Variants in SLX4IP observed in about 807,000 individuals in gnomAD.
The protein encoded by SLX4IP is SLX4 interacting protein, also known as protein SLX4IP.
A neutral mutation model predicts 32.9 loss-of-function variants in SLX4IP; 34 were observed. The observed-to-expected ratio is 1.03, with a 90% CI of 0.79 to 1.38. The LOEUF is 1.38. SLX4IP is among the 40% of genes most tolerant of loss of function. The pLI, the probability that SLX4IP is intolerant of heterozygous loss-of-function variation, is 0.00. For synonymous variants in SLX4IP, 172 were observed against 171.7 expected (o/e 1.00, Z -0.01); for missense variants, 444 against 479.0 (o/e 0.93, Z 0.68).
At chr20:10,593,404 A>T (rs1348904484) in intron 4 of SLX4IP, among the ~76,000 whole-genome samples, 1 of 152,056 alleles carries the variant, frequency 6.6e-6, no homozygotes, top group Non-Finnish European at 1.5e-5. Context: ...AAAAGAGCAT[A>T]CAGGTTGAAA....
chr20:10,566,802 A>G (rs1456933155), intron 4 of SLX4IP, among the ~76,000 whole-genome samples: 1 of 152,192 alleles, frequency 6.6e-6, no homozygotes, highest in Non-Finnish European at 1.5e-5. Flanking sequence ...CTGCTTTGTC[A>G]GAATCGCAGT....
intron 6 of SLX4IP, among the ~76,000 whole-genome samples, chr20:10,605,724 TA>T (rs1247311976): frequency 6.6e-6 from 1 of 152,202 alleles, no homozygotes; most frequent in Non-Finnish European, 1.5e-5. Flanking sequence ...AAATAGCTGT[TA>T]AGACTCTGCA....
At chr20:10,618,126 A>G (rs939552834) in intron 6 of SLX4IP, among the ~76,000 whole-genome samples, 6 of 152,134 alleles carry the variant, frequency 3.9e-5, no homozygotes, top group African/African-American at 1.4e-4. Context: ...ATACTCAAAC[A>G]TTCATCTGTT....
chr20:10,513,345 A>G (rs188359386), intron 2 of SLX4IP, among the ~76,000 whole-genome samples: 69 of 152,326 alleles, frequency 4.5e-4, no homozygotes, highest in African/African-American at 1.6e-3. Flanking sequence ...ATTCAGGCCT[A>G]CACTGTCTGG....
At chr20:10,467,305 T>C (rs571169543) in intron 2 of SLX4IP, among the ~76,000 whole-genome samples, 3 of 152,336 alleles carry the variant, frequency 2.0e-5, no homozygotes, top group East Asian at 3.9e-4. Context: ...TCTACACATT[T>C]TAAGAAAGAA....
intron 2 of SLX4IP, among the ~76,000 whole-genome samples, chr20:10,523,264 T>C (rs1353978044): frequency 6.6e-6 from 1 of 152,152 alleles, no homozygotes; most frequent in Admixed American, 6.5e-5. Context: ...GCTTATAGCT[T>C]TCTCCTCCTG....
chr20:10,561,944 T>C (rs115300804), intron 4 of SLX4IP, among the ~76,000 whole-genome samples: 1,633 of 152,270 alleles, frequency 0.011, 32 homozygotes, highest in African/African-American at 0.037. Context: ...AGATACCTTA[T>C]CCCTGAAACA....
chr20:10,539,891 C>T (rs914847241), intron 2 of SLX4IP, among the ~76,000 whole-genome samples: 7 of 152,124 alleles, frequency 4.6e-5, no homozygotes, highest in African/African-American at 1.7e-4. Context: ...TTCTGAGGTG[C>T]TGCCAGGGTT....
chr20:10,587,595 C>A (rs1405570473), intron 4 of SLX4IP, among the ~76,000 whole-genome samples: 4 of 151,994 alleles, frequency 2.6e-5, no homozygotes, highest in African/African-American at 7.2e-5. Context: ...ACAAATTACT[C>A]AAATTAAAAC....
chr20:10,438,779 A>G (rs2065137279), intron 1 of SLX4IP, among the ~76,000 whole-genome samples: 2 of 151,518 alleles, frequency 1.3e-5, no homozygotes, highest in South Asian at 4.2e-4. Flanking sequence ...CACATTTCCT[A>G]GGTTTTTATC....
chr20:10,501,824 A>C (rs1568712164), intron 2 of SLX4IP, among the ~76,000 whole-genome samples: 1 of 152,236 alleles, frequency 6.6e-6, no homozygotes, highest in Admixed American at 6.5e-5. Flanking sequence ...TCCGAGACGC[A>C]GACAACTTTT....
rs1422503659 is a variant in SLX4IP at position 10,625,080 on chromosome 20, A to T, written c.*1701A>T. 1.3e-5 allele frequency: 2 copies of T among 152,242 alleles called. No individual in the cohort carries two copies. The highest frequency in any genetic ancestry group is 3.9e-4 in the East Asian group (2 of 5,184). 9.4% of individuals were successfully genotyped at this position (152,242 alleles called of 1,614,324 possible). On this transcript the variant is annotated 3_prime_UTR_variant, in exon 8 of 8. Coordinates refer to ENST00000334534, the MANE Select transcript of SLX4IP (RefSeq NM_001009608.3). ...ATAGGAGAAGAGGGAGCCCAACAGA[A>T]TACTAACTTCAGTGGAGCTGACTCT...
At chr20:10,564,371 A>G (rs144784197) in intron 4 of SLX4IP, among the ~76,000 whole-genome samples, 1,642 of 152,282 alleles carry the variant, frequency 0.011, 31 homozygotes, top group African/African-American at 0.038. Flanking sequence ...CCCTGAAAAT[A>G]GAGTTGTTGT....
At chr20:10,492,354 A>G (rs940719541) in intron 2 of SLX4IP, among the ~76,000 whole-genome samples, 1 of 152,210 alleles carries the variant, frequency 6.6e-6, no homozygotes, top group Non-Finnish European at 1.5e-5. Context: ...CCCACCAGCC[A>G]TATGAGAATT....
intron 6 of SLX4IP, chr20:10,613,857 T>C: frequency 6.3e-7 from 1 of 1,594,916 alleles, no homozygotes; most frequent in African/African-American, 1.3e-5. Flanking sequence ...TTCCAAACCT[T>C]TGTATGTCTT....
chr20:10,511,040 T>TC (rs2065803520), intron 2 of SLX4IP, among the ~76,000 whole-genome samples: 1 of 152,238 alleles, frequency 6.6e-6, no homozygotes, highest in Non-Finnish European at 1.5e-5. Context: ...GGTGACTTTA[T>TC]CAGAGAACCT....
chr20:10,531,375 G>A (rs2065988144), intron 2 of SLX4IP, among the ~76,000 whole-genome samples: 1 of 152,210 alleles, frequency 6.6e-6, no homozygotes. Flanking sequence ...TCTATTATAT[G>A]TCCTCTATGG....
At chr20:10,442,379 C>T (rs537105165) in intron 1 of SLX4IP, among the ~76,000 whole-genome samples, 5 of 152,304 alleles carry the variant, frequency 3.3e-5, no homozygotes, top group African/African-American at 1.2e-4. Flanking sequence ...GGATCTTTCT[C>T]ACTCCACTAA....
intron 4 of SLX4IP, among the ~76,000 whole-genome samples, chr20:10,587,143 TAA>T (rs1409853754): frequency 6.6e-6 from 1 of 152,102 alleles, no homozygotes; most frequent in Non-Finnish European, 1.5e-5. Context: ...AATCCTAAAC[TAA>T]ATATTAGCAA....
Sources: allele counts gnomAD v4.1 joint callset (sites outside exome capture counted in the v4.1 genomes callset), GRCh38; gene constraint gnomAD v4.1.1; transcripts MANE v1.5; gene names NCBI Gene and HGNC (gene_info 2026-07-23, HGNC 2026-07-21).